NIBAN2: variants seen among roughly 807,000 people sequenced by gnomAD.
NIBAN2 encodes the protein protein Niban 2.
In NIBAN2, 36 loss-of-function variants were observed where a neutral mutation model predicts 81.8. The ratio of observed to expected loss-of-function variants is 0.44; its 90% CI spans 0.34 to 0.58. The LOEUF (loss-of-function observed/expected upper bound fraction) is 0.58, where lower values mean the gene tolerates loss of function less well. NIBAN2 is among the 20% of genes least tolerant of loss of function. The pLI is 0.02. For synonymous variants in NIBAN2, 445 were observed against 441.6 expected, an observed-to-expected ratio of 1.01 and a Z score of -0.10; for missense variants, 897 against 1,014.1, an observed-to-expected ratio of 0.88 and a Z score of 1.57.
chr9:127,509,044 G>A lies in NIBAN2; in HGVS notation c.1249C>T (p.Leu417=). The change falls in exon 10 of 14, where the codon CTG becomes TTG. Residue 417 remains leucine (L), a synonymous_variant. Transcript: ENST00000373312. ...EKMESLRLDG[L]QQRFDVSSTS... is the part of the protein sequence containing the mutation. ...CTGGACACATCAAATCGCTGCTGCA[G>A]CCCGTCCAGTCGCAGCGACTCCATC... The A allele has an allele frequency of 6.2e-7, 1 of 1,613,890 alleles. No homozygotes were observed. Among genetic ancestry groups the A allele is most frequent in the Middle Eastern group, 1.7e-4 (1 of 6,052 alleles).
intron 5 of NIBAN2, among the ~76,000 whole-genome samples, chr9:127,522,826 G>A (rs1836968514): frequency 6.6e-6 from 1 of 151,864 alleles, no homozygotes; most frequent in South Asian, 2.1e-4. Flanking sequence ...CCTCAAGGGA[G>A]CCTGCCCTGA....
At chr9:127,568,089 C>G (rs1161706316) in intron 1 of NIBAN2, among the ~76,000 whole-genome samples, 1 of 152,180 alleles carries the variant, frequency 6.6e-6, no homozygotes, top group South Asian at 2.1e-4. Context: ...ACAGCTGTCC[C>G]TGGGAGAAGT....
chr9:127,533,447 A>G (rs908309271), intron 1 of NIBAN2, among the ~76,000 whole-genome samples: 2 of 152,116 alleles, frequency 1.3e-5, no homozygotes, highest in African/African-American at 4.8e-5. Context: ...ACAGAGCGAG[A>G]CTCCATCTCA....
In NIBAN2 at chr9:127,527,281, G is replaced by A; in HGVS notation, c.228C>T (p.Phe76=). The change falls in exon 3 of 14, where the codon TTC becomes TTT. Residue 76 remains phenylalanine (F), a synonymous_variant. Coordinates refer to ENST00000373312, the MANE Select transcript of NIBAN2 (RefSeq NM_022833.4). ...ACTTCTTGCTGTCCTCCTGGTGCTG[G>A]AAGAGGTTCCCCGAGAAGACGATGC... ...DERIVFSGNL[F]QHQEDSKKWR... The A allele has an allele frequency of 6.2e-7, 1 of 1,613,898 alleles. No homozygotes were observed.
At chr9:127,547,847 A>C (rs1460045602) in intron 1 of NIBAN2, among the ~76,000 whole-genome samples, 4 of 152,198 alleles carry the variant, frequency 2.6e-5, no homozygotes, top group South Asian at 2.1e-4. Flanking sequence ...CAAAAACAAA[A>C]AAACAAACAA....
At chr9:127,561,616 C>T (rs763887316) in intron 1 of NIBAN2, among the ~76,000 whole-genome samples, 5 of 152,234 alleles carry the variant, frequency 3.3e-5, no homozygotes, top group African/African-American at 4.8e-5. Flanking sequence ...TACCCCAAAA[C>T]CTCTGGGCTC....
intron 8 of NIBAN2, among the ~76,000 whole-genome samples, chr9:127,513,407 G>T (rs1402393955): frequency 2.6e-5 from 4 of 152,170 alleles, no homozygotes; most frequent in Non-Finnish European, 4.4e-5. Context: ...TGGGTAAAAT[G>T]AGGCTGAGAC....
At chr9:127,511,774 T>G (rs1836740144) in intron 8 of NIBAN2, among the ~76,000 whole-genome samples, 1 of 151,990 alleles carries the variant, frequency 6.6e-6, no homozygotes, top group Non-Finnish European at 1.5e-5. Flanking sequence ...AATACATATT[T>G]CCCCAAAGAA....
intron 1 of NIBAN2, among the ~76,000 whole-genome samples, chr9:127,541,238 T>C (rs998727870): frequency 1.3e-5 from 2 of 152,196 alleles, no homozygotes; most frequent in African/African-American, 4.8e-5. Flanking sequence ...TGGGTTGGCA[T>C]AGACCAGTGC....
In NIBAN2 at chr9:127,506,823, C is replaced by A; in HGVS notation, c.*22G>T. ...GGAAGGGAACGGCCTGTGCCATGTG[C>A]AGCAGTCAGGGACCCACTGGCCTAG... On this transcript the variant is annotated 3_prime_UTR_variant, in exon 14 of 14. Transcript: ENST00000373312. 1.9e-6 allele frequency: 3 copies of A among 1,573,340 alleles called. No individual in the cohort carries two copies. Among genetic ancestry groups the A allele is most frequent in the Non-Finnish European group, 2.6e-6 (3 of 1,156,890 alleles).
chr9:127,565,547 C>T (rs1837843167), intron 1 of NIBAN2, among the ~76,000 whole-genome samples: 1 of 151,910 alleles, frequency 6.6e-6, no homozygotes. Context: ...AATCTTGGCA[C>T]TTTGGGAGGC....
At chr9:127,532,744 G>A (rs942102025) in intron 1 of NIBAN2, among the ~76,000 whole-genome samples, 6 of 151,246 alleles carry the variant, frequency 4.0e-5, no homozygotes, top group African/African-American at 1.5e-4. Context: ...AAAAAAAATC[G>A]CTTTCTGGCC....
chr9:127,525,020 G>A (rs758372376), intron 4 of NIBAN2, 38 bp downstream of exon 4: 34 of 1,514,998 alleles, frequency 2.2e-5, no homozygotes, highest in Admixed American at 1.7e-4. Flanking sequence ...CCAGATGCCT[G>A]TGCAGGGCAT....
rs1836629993 is a variant in NIBAN2, at chr9:127,507,389, CG to C, written c.1696del (p.Arg566GlyfsTer187). ...GCTGTTGTGCATGACCATGCTGTCC[CG>C]GTAGAGGTTGTGCTTCCTCTGCACC... ...AAVQRKHNLY[R>X]DSMVMHNSDP... On this transcript the variant is annotated frameshift_variant, in exon 14 of 14. Coordinates refer to ENST00000373312, the MANE Select transcript of NIBAN2 (RefSeq NM_022833.4). LOFTEE classifies it low-confidence loss of function (END_TRUNC). The surrounding 1 kb of genome is among the most constrained non-coding windows in gnomAD (Gnocchi z 6.8). 6.6e-7 allele frequency: 1 copy of C among 1,519,964 alleles called. No individual in the cohort carries two copies. Among genetic ancestry groups the C allele is most frequent in the Non-Finnish European group, 8.8e-7 (1 of 1,134,030 alleles). 94.2% of individuals were successfully genotyped at this position (1,519,964 alleles called of 1,614,324 possible).
intron 1 of NIBAN2, among the ~76,000 whole-genome samples, chr9:127,555,961 C>T (rs1490406608): frequency 6.6e-6 from 1 of 151,956 alleles, no homozygotes; most frequent in East Asian, 1.9e-4. Flanking sequence ...TCAGTGGGTG[C>T]CCACCCCAAG....
chr9:127,569,560 A>G (rs1012479337), upstream of NIBAN2, among the ~76,000 whole-genome samples: 1 of 150,674 alleles, frequency 6.6e-6, no homozygotes, highest in Non-Finnish European at 1.5e-5. Context: ...CTGGCAGGGG[A>G]CGCCTGGACC....
Position 127,525,698 on chromosome 9 carries a change from T to C in NIBAN2, c.316-535A>G, listed in dbSNP as rs576938318. Among the ~76,000 whole-genome samples the C allele has an allele frequency of 1.1e-4, 16 of 152,318 alleles. No homozygotes were observed. In the South Asian group the frequency reaches 3.1e-3, roughly 30 times the overall value. ...TAAGCATTTCTTACATACCAGGCCC[T>C]GTGCTAAGGGCATTGCATGCTTAAT... On this transcript the variant is annotated intron_variant, in intron 3 of 13. Coordinates refer to ENST00000373312, the MANE Select transcript of NIBAN2 (RefSeq NM_022833.4).
At chr9:127,574,233 A>G (rs1837982297) in intron 1 of NIBAN2, among the ~76,000 whole-genome samples, 1 of 152,118 alleles carries the variant, frequency 6.6e-6, no homozygotes, top group African/African-American at 2.4e-5. Context: ...AGCAGAGAGG[A>G]AAGGTTCTCC....
chr9:127,529,999 C>G (rs1481090404), intron 2 of NIBAN2, among the ~76,000 whole-genome samples: 2 of 152,216 alleles, frequency 1.3e-5, no homozygotes, highest in African/African-American at 4.8e-5. Flanking sequence ...AGAGGAAATG[C>G]TTCACGCCCT....
Sources: gnomAD v4.1 joint callset for allele counts (sites outside exome capture counted in the v4.1 genomes callset) on GRCh38, gnomAD v4.1.1 for gene constraint, Gnocchi (gnomAD v3.1) non-coding constraint, MANE v1.5 for transcripts, NCBI Gene and HGNC (gene_info 2026-07-23, HGNC 2026-07-21) for gene names.